Variants in CHRDL2 observed in about 807,000 individuals in gnomAD.
The protein encoded by CHRDL2 is chordin like 2, also known as chordin-like protein 2.
Under a neutral mutation model 54.3 loss-of-function variants are expected in CHRDL2, and 41 were observed. That is an observed-to-expected ratio of 0.76 (90% CI 0.59 to 0.98). The LOEUF (loss-of-function observed/expected upper bound fraction) is 0.98. CHRDL2 is among the 50% of genes least tolerant of loss of function. The pLI is 0.00. For synonymous variants in CHRDL2, 220 were observed against 224.3 expected (o/e 0.98, Z 0.17); for missense variants, 518 against 562.4 (o/e 0.92, Z 0.80).
chr11:74,708,105 CA>C (rs2034067050), intron 5 of CHRDL2, among the ~76,000 whole-genome samples, 196 bp downstream of exon 5: 1 of 152,150 alleles, frequency 6.6e-6, no homozygotes, highest in Non-Finnish European at 1.5e-5. Context: ...CCAATGACTG[CA>C]ATAAAAATAA....
At chr11:74,725,029 C>G (rs1023621233) in intron 1 of CHRDL2, among the ~76,000 whole-genome samples, 4 of 151,280 alleles carry the variant, frequency 2.6e-5, no homozygotes, top group Non-Finnish European at 4.4e-5. Context: ...GAATCTTGCT[C>G]TGTCACCAGG....
intron 5 of CHRDL2, 115 bp from the exon 6 acceptor site, chr11:74,706,657 C>T: frequency 1.1e-6 from 1 of 909,012 alleles, no homozygotes; most frequent in Non-Finnish European, 1.8e-6. Context: ...GTCCCATCTG[C>T]AGCCCCAGCC....
At chr11:74,711,791 A>AT (rs1355348283) in intron 3 of CHRDL2, among the ~76,000 whole-genome samples, 9 of 148,560 alleles carry the variant, frequency 6.1e-5, no homozygotes, top group African/African-American at 2.3e-4. Context: ...CCTGGGCAAC[A>AT]TTTTTTAAAT....
intron 7 of CHRDL2, 137 bp downstream of exon 7, chr11:74,704,349 C>A: frequency 1.3e-6 from 1 of 765,922 alleles, no homozygotes; most frequent in Non-Finnish European, 2.1e-6. Flanking sequence ...TTGGCGTTCT[C>A]CGAGTCTACA....
intron 2 of CHRDL2, among the ~76,000 whole-genome samples, chr11:74,717,135 C>T (rs1158777443): frequency 1.3e-5 from 2 of 151,916 alleles, no homozygotes; most frequent in Non-Finnish European, 2.9e-5. Flanking sequence ...TTCTCACTGC[C>T]GCGTGGAGGA....
chr11:74,723,372 T>C (rs544623999), intron 1 of CHRDL2, among the ~76,000 whole-genome samples: 1 of 152,326 alleles, frequency 6.6e-6, no homozygotes, highest in African/African-American at 2.4e-5. Flanking sequence ...AGACCCCCAG[T>C]GGATGCCTGA....
At chr11:74,719,381 TACAC>T (rs5792667) in intron 1 of CHRDL2, 3,409 of 76,424 alleles carry the variant, frequency 0.045, 113 homozygotes, top group African/African-American at 0.11. Flanking sequence ...CCCTCCCCTG[TACAC>T]ACACACACAC....
chr11:74,702,090 C>CA (rs113100895), intron 9 of CHRDL2, among the ~76,000 whole-genome samples: 124 of 151,346 alleles, frequency 8.2e-4, no homozygotes, highest in Non-Finnish European at 1.6e-3. Flanking sequence ...CCCATCTCTA[C>CA]AAAAAAAATA....
intron 6 of CHRDL2, 150 bp downstream of exon 6, chr11:74,706,337 C>T: frequency 1.4e-6 from 1 of 707,280 alleles, no homozygotes; most frequent in Non-Finnish European, 2.4e-6. Flanking sequence ...GGGAGAGGGG[C>T]TGGAATATAG....
At chr11:74,700,644 T>A (rs1312155425) in intron 9 of CHRDL2, among the ~76,000 whole-genome samples, 2 of 94,186 alleles carry the variant, frequency 2.1e-5, no homozygotes, top group Admixed American at 2.0e-4. Flanking sequence ...ATTATTATTA[T>A]TTTTTTTTTT....
At position 74,696,603 on chromosome 11, in the gene CHRDL2, G is replaced by A. The variant is rs1437667873; in HGVS notation, c.1214-18C>T. ...CCAGTGACCTGCATGGAGGAGGGCA[G>A]AAGAGGGAAGAGGCGTATGTGTCTG... is the stretch of plus-strand genomic sequence containing the variant. On this transcript the variant is annotated intron_variant, in intron 10 of 10. Transcript: ENST00000376332. 5 of 1,572,720 alleles carry A rather than the reference G, an allele frequency of 3.2e-6. No individual in the cohort carries two copies. The highest frequency in any genetic ancestry group is 4.4e-6 in the Non-Finnish European group (5 of 1,143,150).
chr11:74,704,775 G>T, intron 6 of CHRDL2, 121 bp from the exon 7 acceptor site: 1 of 954,288 alleles, frequency 1.0e-6, no homozygotes, highest in Non-Finnish European at 1.6e-6. Context: ...ACTTCCCAGA[G>T]AAGAGAAGGT....
chr11:74,730,391 G>C (rs2034633376), intron 1 of CHRDL2, among the ~76,000 whole-genome samples: 1 of 152,202 alleles, frequency 6.6e-6, no homozygotes, highest in Non-Finnish European at 1.5e-5. Flanking sequence ...GATCAAAAGA[G>C]AGAAAAGAAT....
In CHRDL2 at chr11:74,701,679, A is replaced by G. The variant is rs1443848960; in HGVS notation, c.1120+1115T>C. The stretch of plus-strand genomic sequence containing the variant: ...ATGGGGATAATAATATCTAACTCTC[A>G]GGATCGTTGAGGATCAAATGAGATA... On this transcript the variant is annotated intron_variant, in intron 9 of 10. Coordinates refer to ENST00000376332, the MANE Select transcript of CHRDL2 (RefSeq NM_001278473.3). 4 of 695,602 alleles carry G rather than the reference A, an allele frequency of 5.8e-6. No homozygotes were observed. The Admixed American group carries it at 8.2e-5, about 14-fold the overall frequency. 43.1% of individuals were successfully genotyped at this position (695,602 alleles called of 1,614,324 possible).
At chr11:74,717,677 T>C (rs1451930245) in intron 2 of CHRDL2, among the ~76,000 whole-genome samples, 2 of 152,184 alleles carry the variant, frequency 1.3e-5, no homozygotes, top group Admixed American at 1.3e-4. Flanking sequence ...TCCAGAGCTC[T>C]GTCTGCTCCC....
intron 2 of CHRDL2, among the ~76,000 whole-genome samples, chr11:74,716,913 T>C (rs901805062): frequency 6.6e-6 from 1 of 152,016 alleles, no homozygotes; most frequent in East Asian, 1.9e-4. Context: ...GGCAACCTGA[T>C]GAAATCCTGT....
chr11:74,708,706 G>A (rs371065082), intron 4 of CHRDL2, among the ~76,000 whole-genome samples: 2 of 152,232 alleles, frequency 1.3e-5, no homozygotes, highest in Non-Finnish European at 2.9e-5. Flanking sequence ...GAGCCGGAGC[G>A]GGGCCTGAGC....
At chr11:74,728,611 G>T (rs563822399) in intron 1 of CHRDL2, among the ~76,000 whole-genome samples, 1 of 151,970 alleles carries the variant, frequency 6.6e-6, no homozygotes, top group Non-Finnish European at 1.5e-5. Flanking sequence ...TGAGCTCAAG[G>T]GTTCCTCTCC....
At chr11:74,717,113 A>AAAC (rs751215022) in intron 2 of CHRDL2, among the ~76,000 whole-genome samples, 51,654 of 149,428 alleles carry the variant, frequency 0.35, 9,826 homozygotes, top group East Asian at 0.53. Flanking sequence ...AACAAACAAA[A>AAAC]AAAAAAAACC....
Sources: gnomAD v4.1 joint callset for allele counts (sites outside exome capture counted in the v4.1 genomes callset) on GRCh38, gnomAD v4.1.1 for gene constraint, MANE v1.5 for transcripts, NCBI Gene and HGNC (gene_info 2026-07-23, HGNC 2026-07-21) for gene names.